The following GPD2 variants were observed in gnomAD, a reference collection of about 807,000 sequenced individuals.
GPD2 encodes glycerol-3-phosphate dehydrogenase 2.
GPD2 carries 54 observed loss-of-function variants against 82.4 expected under a neutral mutation model. The ratio of observed to expected loss-of-function variants is 0.66; its 90% CI spans 0.53 to 0.82. The LOEUF (loss-of-function observed/expected upper bound fraction) is 0.82, where lower values mean the gene tolerates loss of function less well. Among genes scored for constraint, GPD2 ranks in the 40% least tolerant of loss-of-function variants. The pLI, the probability that GPD2 is intolerant of heterozygous loss-of-function variation, is 0.00. For missense variants in GPD2, 748 were observed against 896.2 expected, an observed-to-expected ratio of 0.83 and a Z score of 2.11; for synonymous variants, 288 against 306.1, an observed-to-expected ratio of 0.94 and a Z score of 0.62.
intron 1 of GPD2, among the ~76,000 whole-genome samples, chr2:156,449,656 AGTCT>A (rs1037060253): frequency 1.3e-5 from 2 of 152,012 alleles, no homozygotes; most frequent in African/African-American, 4.8e-5. Context: ...GGAGTTAGTT[AGTCT>A]GTTTTGGTTG....
At chr2:156,557,254 G>A (rs1686996821) in intron 8 of GPD2, 135 bp from the exon 9 acceptor site, 1 of 692,104 alleles carries the variant, frequency 1.4e-6, no homozygotes, top group Admixed American at 2.2e-5. Flanking sequence ...GATTAGGGTA[G>A]GGGAAGTGCA....
rs1453886320 is a variant in GPD2, at chr2:156,571,199, G to A, written c.1674G>A (p.Leu558=). ...ATATGATTTCACGTCGTACTCGCCT[G>A]GCCTTTCTAAATGTCCAGGCAGCAG... ...AVDMISRRTR[L]AFLNVQAAEE... is the part of the protein sequence containing the mutation. The change falls in exon 13 of 17, where the codon CTG becomes CTA. Residue 558 remains leucine, a synonymous_variant. Transcript: ENST00000438166. The A allele has an allele frequency of 5.0e-6, 8 of 1,610,578 alleles. No homozygotes were observed. Among genetic ancestry groups the A allele is most frequent in the Non-Finnish European group, 6.8e-6 (8 of 1,176,856 alleles).
At chr2:156,461,824 G>C (rs1327664653) in intron 1 of GPD2, among the ~76,000 whole-genome samples, 1 of 152,130 alleles carries the variant, frequency 6.6e-6, no homozygotes, top group Non-Finnish European at 1.5e-5. Context: ...CCAGCCCCTG[G>C]AACAGTGCTG....
At chr2:156,458,937 G>C (rs892156089) in intron 1 of GPD2, among the ~76,000 whole-genome samples, 25 of 151,930 alleles carry the variant, frequency 1.6e-4, no homozygotes, top group African/African-American at 6.0e-4. Flanking sequence ...TTAACATTTT[G>C]GGGTATATTC....
the GPD2 span, among the ~76,000 whole-genome samples, chr2:156,430,211 TTA>T: frequency 1.3e-5 from 2 of 152,168 alleles, no homozygotes; most frequent in African/African-American, 4.8e-5. Context: ...TATTGACAAC[TTA>T]TATACCAGGC....
At chr2:156,451,291 G>T (rs1168072529) in intron 1 of GPD2, among the ~76,000 whole-genome samples, 4 of 140,642 alleles carry the variant, frequency 2.8e-5, no homozygotes, top group African/African-American at 2.4e-5. Context: ...CAGGGCGGGG[G>T]GCTGACCCCC....
chr2:156,489,904 ACCCTCCTTCCTTCTCTCCCCTC>A (rs375462660), intron 2 of GPD2, among the ~76,000 whole-genome samples: 66 of 84,596 alleles, frequency 7.8e-4, no homozygotes, highest in African/African-American at 3.0e-3. Context: ...TTCCTTCACT[ACCCTCCTTCCTTCTCTCCCCTC>A]CCCTCCTTTC....
At chr2:156,528,388 A>C (rs1400156665) in intron 6 of GPD2, among the ~76,000 whole-genome samples, 7 of 150,540 alleles carry the variant, frequency 4.6e-5, no homozygotes, top group South Asian at 2.1e-4. Context: ...ATATTTCTCC[A>C]CTCAATTATG....
intron 13 of GPD2, 70 bp from the exon 14 acceptor site, chr2:156,578,819 C>T (rs1469065385): frequency 2.2e-6 from 2 of 890,144 alleles, no homozygotes; most frequent in Admixed American, 1.7e-5. Flanking sequence ...TGAAGATCAA[C>T]AGTAAAAAAA....
intron 6 of GPD2, among the ~76,000 whole-genome samples, chr2:156,533,732 T>C (rs899445811): frequency 2.0e-5 from 3 of 152,178 alleles, no homozygotes; most frequent in African/African-American, 7.2e-5. Flanking sequence ...ATGTAAAATT[T>C]TAAAATTGGA....
intron 13 of GPD2, 64 bp from the exon 14 acceptor site, chr2:156,578,825 A>G (rs932329335): frequency 3.6e-5 from 35 of 961,526 alleles, no homozygotes; most frequent in African/African-American, 1.2e-4. Flanking sequence ...TCAACAGTAA[A>G]AAAAGGAGGA....
At chr2:156,451,524 C>T (rs1558904730) in intron 1 of GPD2, among the ~76,000 whole-genome samples, 1 of 108,830 alleles carries the variant, frequency 9.2e-6, no homozygotes, top group Non-Finnish European at 1.9e-5. Flanking sequence ...GGGGGCTGAC[C>T]CCCCCACCTC....
intron 2 of GPD2, among the ~76,000 whole-genome samples, chr2:156,481,599 C>T (rs1683734076): frequency 6.6e-6 from 1 of 151,516 alleles, no homozygotes; most frequent in Non-Finnish European, 1.5e-5. Flanking sequence ...AACATAATGT[C>T]CTCCAGGCTC....
At chr2:156,580,951 A>C (rs567416370) in intron 16 of GPD2, among the ~76,000 whole-genome samples, 1 of 152,302 alleles carries the variant, frequency 6.6e-6, no homozygotes, top group Admixed American at 6.5e-5. Flanking sequence ...TCACAATGTT[A>C]GAAAACTTTT....
chr2:156,442,931 C>A (rs762568787), intron 1 of GPD2, among the ~76,000 whole-genome samples: 14 of 152,204 alleles, frequency 9.2e-5, no homozygotes, highest in Non-Finnish European at 2.1e-4. Flanking sequence ...CCTATTTGAT[C>A]ACGTTCTAAA....
At chr2:156,443,103 C>G (rs990649401) in intron 1 of GPD2, among the ~76,000 whole-genome samples, 1 of 152,180 alleles carries the variant, frequency 6.6e-6, no homozygotes, top group Non-Finnish European at 1.5e-5. Context: ...GTTCTTCCTT[C>G]TATTTCACTT....
chr2:156,489,726 C>CCTTCCTT (rs1558924289), intron 2 of GPD2, among the ~76,000 whole-genome samples: 1 of 39,538 alleles, frequency 2.5e-5, no homozygotes, highest in Non-Finnish European at 4.7e-5. Flanking sequence ...CTTCCTTCCT[C>CCTTCCTT]CCTCCCTCCC....
intron 6 of GPD2, among the ~76,000 whole-genome samples, chr2:156,545,660 T>C (rs1307029338): frequency 6.6e-6 from 1 of 152,222 alleles, no homozygotes; most frequent in Non-Finnish European, 1.5e-5. Flanking sequence ...AGGAAGCTTA[T>C]ATGTAGACTG....
At chr2:156,457,039 G>T (rs895805509) in intron 1 of GPD2, among the ~76,000 whole-genome samples, 3 of 151,980 alleles carry the variant, frequency 2.0e-5, no homozygotes, top group Non-Finnish European at 4.4e-5. Context: ...TTCTAGAAGG[G>T]ACACATTCTT....
Sources: gnomAD v4.1 joint callset for allele counts (sites outside exome capture counted in the v4.1 genomes callset) on GRCh38, gnomAD v4.1.1 for gene constraint, MANE v1.5 for transcripts, NCBI Gene and HGNC (gene_info 2026-07-23, HGNC 2026-07-21) for gene names.